The following WWP2 variants were observed in gnomAD, a reference collection of about 807,000 sequenced individuals.
WWP2 encodes NEDD4-like E3 ubiquitin-protein ligase WWP2.
A neutral mutation model predicts 121.0 loss-of-function variants in WWP2; 57 were observed. The observed-to-expected ratio is 0.47, with a 90% CI of 0.38 to 0.59. The LOEUF is 0.59. Among genes scored for constraint, WWP2 ranks in the 20% least tolerant of loss-of-function variants. The probability of loss-of-function intolerance (pLI) is 0.00; values close to 1 mark genes in which losing one functional copy is unlikely to be tolerated. For synonymous variants in WWP2, 449 were observed against 441.3 expected, an observed-to-expected ratio of 1.02 and a Z score of -0.22; for missense variants, 962 against 1,158.9, an observed-to-expected ratio of 0.83 and a Z score of 2.47.
chr16:69,866,516 A>G (rs975521616), intron 6 of WWP2, among the ~76,000 whole-genome samples: 5 of 151,892 alleles, frequency 3.3e-5, no homozygotes, highest in South Asian at 2.1e-4. Context: ...TTCTCACTCA[A>G]TTAGTTTGGC....
chr16:69,829,138 A>T (rs2056753061), intron 4 of WWP2, among the ~76,000 whole-genome samples: 1 of 151,844 alleles, frequency 6.6e-6, no homozygotes, highest in South Asian at 2.1e-4. Flanking sequence ...CTCTTTTCAG[A>T]TTATCTTGAT....
At chr16:69,895,101 G>A (rs1314871620) in intron 8 of WWP2, 1 of 152,268 alleles carries the variant, frequency 6.6e-6, no homozygotes, top group African/African-American at 2.4e-5. Flanking sequence ...GATATCCAGA[G>A]GCACTCTCTT....
Position 69,799,225 on chromosome 16 carries a change from C to A in WWP2, c.270C>A (p.Thr90=). The change falls in exon 4 of 24, where the codon ACC becomes ACA. Residue 90 remains threonine (T), a synonymous_variant. Transcript: ENST00000359154. This position sits in a 1 kb window ranked among gnomAD's most constrained non-coding sequence, Gnocchi z 4.5. ...ATTTAAAGGTCTGGAGCTGCCATACCTTGAGAAATGAACTGCTAGGCACCG... is the reference window on the plus strand; with the variant it reads ...ATTTAAAGGTCTGGAGCTGCCATACATTGAGAAATGAACTGCTAGGCACCG... ...HLDLKVWSCH[T]LRNELLGTAS... is the part of the protein sequence containing the mutation. The A allele has an allele frequency of 6.2e-7, 1 of 1,614,086 alleles. No individual in the cohort carries two copies. Among genetic ancestry groups the A allele is most frequent in the Non-Finnish European group, 8.5e-7 (1 of 1,179,998 alleles).
In WWP2 at chr16:69,836,137, A is replaced by G. The variant is rs537919090; in HGVS notation, c.341-3989A>G. ...TAGTACTACTATTGAACCTAAAAAC[A>G]TTAACAATAATTTCAAACATCATCT... On this transcript the variant is annotated intron_variant, in intron 4 of 23. Coordinates refer to ENST00000359154, the MANE Select transcript of WWP2 (RefSeq NM_001270454.2). Among the ~76,000 whole-genome samples the G allele has an allele frequency of 4.1e-4, 62 of 152,308 alleles. 1 individual carries two copies. Among genetic ancestry groups the G allele is most frequent in the African/African-American group, 1.5e-3 (62 of 41,558 alleles).
chr16:69,934,726 T>C (rs1437504622), intron 17 of WWP2, among the ~76,000 whole-genome samples: 1 of 151,108 alleles, frequency 6.6e-6, no homozygotes, highest in African/African-American at 2.4e-5. Flanking sequence ...GGGCCCCCTC[T>C]TGACAAGTCC....
chr16:69,939,148 G>A (rs769852109), intron 22 of WWP2, 25 bp downstream of exon 22: 10 of 1,582,586 alleles, frequency 6.3e-6, no homozygotes, highest in East Asian at 2.3e-5. Flanking sequence ...GCCCTCTGGC[G>A]TCCTGGCTGG....
intron 2 of WWP2, 43 bp downstream of exon 2, chr16:69,787,123 G>C: frequency 6.4e-7 from 1 of 1,557,572 alleles, no homozygotes; most frequent in South Asian, 1.2e-5. Flanking sequence ...CTACGCCCAG[G>C]GAAGAGGGAG....
chr16:69,893,581 GT>G (rs1460648997), intron 8 of WWP2, among the ~76,000 whole-genome samples: 1 of 151,908 alleles, frequency 6.6e-6, no homozygotes, highest in Non-Finnish European at 1.5e-5. Flanking sequence ...TTTTGTTTTT[GT>G]TTTTGTTTTT....
At chr16:69,763,016 T>A (rs2038650095) in intron 1 of WWP2, among the ~76,000 whole-genome samples, 1 of 152,088 alleles carries the variant, frequency 6.6e-6, no homozygotes, top group Non-Finnish European at 1.5e-5. Context: ...AGCTCATTTT[T>A]CTTTGAGATT....
intron 4 of WWP2, among the ~76,000 whole-genome samples, chr16:69,801,230 TTA>T (rs1267133584): frequency 6.7e-6 from 1 of 149,398 alleles, no homozygotes. Flanking sequence ...ATTTTTATTT[TTA>T]TATATATATA....
In WWP2 at chr16:69,934,017, G is replaced by A; in HGVS notation, c.1730G>A (p.Cys577Tyr). Residue 577 changes from cysteine (C) to tyrosine (Y), a missense_variant, in exon 17 of 24, where the codon TGT (cysteine) becomes TAT (tyrosine). By Grantham distance (194) the Cys-to-Tyr change is radical. Coordinates refer to ENST00000359154, the MANE Select transcript of WWP2 (RefSeq NM_001270454.2). ...LSHEVLNPMY[C>Y]LFEYAGKNNY... Reference sequence around the variant, plus strand: ...CATGAGGTGCTCAACCCTATGTATTGTTTATTTGAATATGCCGGAAAGAAC... The same window carrying A: ...CATGAGGTGCTCAACCCTATGTATTATTTATTTGAATATGCCGGAAAGAAC... The A allele has an allele frequency of 1.2e-6, 2 of 1,614,158 alleles. No homozygotes were observed. The highest frequency in any genetic ancestry group is 1.7e-5 in the Admixed American group (1 of 60,016).
intron 8 of WWP2, among the ~76,000 whole-genome samples, chr16:69,902,675 C>A (rs1567418915): frequency 1.3e-5 from 2 of 152,114 alleles, no homozygotes; most frequent in Admixed American, 6.6e-5. Context: ...GAAGGAGTTG[C>A]TTATAAGTGA....
chr16:69,818,514 C>A (rs893241760), intron 4 of WWP2, among the ~76,000 whole-genome samples: 2 of 152,260 alleles, frequency 1.3e-5, no homozygotes, highest in South Asian at 4.1e-4. Context: ...ACCTCCTTTT[C>A]TTCTTGAGGA....
intron 1 of WWP2, among the ~76,000 whole-genome samples, chr16:69,765,719 G>T (rs971859722): frequency 1.2e-4 from 19 of 152,258 alleles, no homozygotes; most frequent in Admixed American, 7.8e-4. Flanking sequence ...AGCTACTCGG[G>T]AGGCTGAGGC....
rs79622126 is a variant in WWP2 at position 69,934,691 on chromosome 16, G to A, written c.1842+562G>A. Among the ~76,000 whole-genome samples, 522 of 150,734 alleles carry A rather than the reference G, an allele frequency of 3.5e-3. 8 individuals carry two copies. The East Asian group carries it at 0.036, about 10-fold the overall frequency. The stretch of plus-strand genomic sequence containing the variant: ...AATCAACACTAGTGTAGAACAAAAC[G>A]TAAAGTCTGTGGCCCAGAGACCCTG... On this transcript the variant is annotated intron_variant, in intron 17 of 23. Coordinates refer to ENST00000359154, the MANE Select transcript of WWP2 (RefSeq NM_001270454.2).
At chr16:69,874,285 C>G (rs923067750) in intron 7 of WWP2, among the ~76,000 whole-genome samples, 1 of 152,182 alleles carries the variant, frequency 6.6e-6, no homozygotes, top group African/African-American at 2.4e-5. Flanking sequence ...AAGCTCCCCT[C>G]TTCAGCAGCG....
chr16:69,864,319 G>A (rs1220181062), intron 6 of WWP2, among the ~76,000 whole-genome samples: 2 of 152,058 alleles, frequency 1.3e-5, no homozygotes, highest in African/African-American at 2.4e-5. Context: ...CCATGATCAC[G>A]CCATTGCACT....
rs770576884 is a variant in WWP2 at position 69,935,747 on chromosome 16, A to G, written c.1843-106A>G. 2 of 1,491,094 alleles carry G rather than the reference A, an allele frequency of 1.3e-6. No homozygotes were observed. The highest frequency in any genetic ancestry group is 1.8e-6 in the Non-Finnish European group (2 of 1,112,430). 92.4% of individuals were successfully genotyped at this position (1,491,094 alleles called of 1,614,324 possible). A position where few individuals can be genotyped will look rare whatever the true frequency, so the allele number is the denominator to read the frequency against. On this transcript the variant is annotated intron_variant, in intron 17 of 23. Transcript: ENST00000359154. This position sits in a 1 kb window ranked among gnomAD's most constrained non-coding sequence, Gnocchi z 5.2. ...GCTGCTGCTGTAGTTCTGTCAGGGA[A>G]GGAAGGCGGGTAGCGGTAGCAGAGT...
chr16:69,912,279 G>A lies in WWP2; in HGVS notation c.1004+3429G>A, dbSNP rs180977550. 1.1e-3 allele frequency among the ~76,000 whole-genome samples: 158 copies of A among 150,002 alleles called. 1 individual carries two copies. Among genetic ancestry groups the A allele is most frequent in the African/African-American group, 3.1e-3 (126 of 40,642 alleles). ...ACCACTCTAGCCTGGACGACAGAGC[G>A]AGACTCCATCTCAAAAAAAAACAAA... On this transcript the variant is annotated intron_variant, in intron 9 of 23. Coordinates refer to ENST00000359154, the MANE Select transcript of WWP2 (RefSeq NM_001270454.2).
Sources: gnomAD v4.1 joint callset for allele counts (sites outside exome capture counted in the v4.1 genomes callset) on GRCh38, gnomAD v4.1.1 for gene constraint, Gnocchi (gnomAD v3.1) non-coding constraint, MANE v1.5 for transcripts, NCBI Gene and HGNC (gene_info 2026-07-23, HGNC 2026-07-21) for gene names.